The following SRD5A3 variants were observed in gnomAD, a reference collection of about 807,000 sequenced individuals.
The protein encoded by SRD5A3 is steroid 5 alpha-reductase 3.
Under a neutral mutation model 34.3 loss-of-function variants are expected in SRD5A3, and 24 were observed. That is an observed-to-expected ratio of 0.70 (90% CI 0.51 to 0.99). The LOEUF (loss-of-function observed/expected upper bound fraction) is 0.99, where lower values mean the gene tolerates loss of function less well. SRD5A3 is among the 50% of genes least tolerant of loss of function. SRD5A3 has a pLI of 0.00. For missense variants in SRD5A3, 350 were observed against 388.2 expected, an observed-to-expected ratio of 0.90 and a Z score of 0.83; for synonymous variants, 161 against 167.3, an observed-to-expected ratio of 0.96 and a Z score of 0.29.
intron 1 of SRD5A3, among the ~76,000 whole-genome samples, chr4:55,357,780 C>T (rs1004394214): frequency 1.4e-4 from 22 of 152,198 alleles, no homozygotes; most frequent in African/African-American, 5.3e-4. Flanking sequence ...AATCATAGCT[C>T]ACTATAACCT....
chr4:55,367,697 C>T lies in SRD5A3; in HGVS notation c.672C>T (p.Leu224=), dbSNP rs144834899. ...SAHQYKCHVI[L]GNLRKNKAGV... ...ATCAGTATAAGTGCCATGTTATTCTCGGCAATCTCAGGAAAAATAAAGCAG... is the reference window on the plus strand; with the variant it reads ...ATCAGTATAAGTGCCATGTTATTCTTGGCAATCTCAGGAAAAATAAAGCAG... Residue 224 remains leucine, a synonymous_variant, in exon 4 of 5, where the codon CTC becomes CTT. Coordinates refer to ENST00000264228, the MANE Select transcript of SRD5A3 (RefSeq NM_024592.5). 1.3e-4 allele frequency: 206 copies of T among 1,614,132 alleles called. 1 individual carries two copies. The African/African-American group carries it at 2.2e-3, about 18-fold the overall frequency.
At chr4:55,367,475 A>T (rs944543966) in intron 3 of SRD5A3, 113 bp from the exon 4 acceptor site, 7 of 1,233,980 alleles carry the variant, frequency 5.7e-6, no homozygotes, top group Non-Finnish European at 8.2e-6. Context: ...TTATATTAGG[A>T]TATTGAGGAA....
rs545082315 is a variant in SRD5A3, at chr4:55,354,136, G to A, written c.222-5210G>A. Among the ~76,000 whole-genome samples the A allele has an allele frequency of 5.9e-5, 9 of 152,240 alleles. No homozygotes were observed. The South Asian group carries it at 1.9e-3, about 32-fold the overall frequency. ...TTTTGAGATGGAGTCTTGCTCTGTT[G>A]CCCAGGCTGGAGTGCAGTGGCGCAA... On this transcript the variant is annotated intron_variant, in intron 1 of 4. Transcript: ENST00000264228.
At chr4:55,348,313 T>C (rs1719071073) in intron 1 of SRD5A3, among the ~76,000 whole-genome samples, 1 of 152,124 alleles carries the variant, frequency 6.6e-6, no homozygotes, top group African/African-American at 2.4e-5. Context: ...TCCAGACCAA[T>C]AATGAAAGGC....
rs376367580 is a variant in SRD5A3 at position 55,369,529 on chromosome 4, A to G, written c.698-303A>G. On this transcript the variant is annotated intron_variant, in intron 4 of 4. Coordinates refer to ENST00000264228, the MANE Select transcript of SRD5A3 (RefSeq NM_024592.5). The stretch of plus-strand genomic sequence containing the variant: ...AGGATCACTTGAGCCCAGCAGTTTG[A>G]GACCAACCTGGGCAACATAGGCAGA... 36 of 381,058 alleles carry G rather than the reference A, an allele frequency of 9.4e-5. No individual in the cohort carries two copies. The East Asian group carries it at 2.2e-3, about 23-fold the overall frequency. The allele number at this position is 381,058 out of a possible 1,614,324, so 23.6% of individuals were successfully genotyped here.
At chr4:55,353,692 C>T (rs1047611525) in intron 1 of SRD5A3, among the ~76,000 whole-genome samples, 1 of 151,952 alleles carries the variant, frequency 6.6e-6, no homozygotes, top group Non-Finnish European at 1.5e-5. Flanking sequence ...ACGAACCCAC[C>T]TGGAGGAACA....
intron 2 of SRD5A3, among the ~76,000 whole-genome samples, chr4:55,362,040 C>G (rs554659631): frequency 6.6e-6 from 1 of 152,062 alleles, no homozygotes; most frequent in East Asian, 1.9e-4. Context: ...ACAGTCAAAG[C>G]TAATCTGTGC....
At chr4:55,353,159 A>G (rs1341509603) in intron 1 of SRD5A3, among the ~76,000 whole-genome samples, 1 of 152,182 alleles carries the variant, frequency 6.6e-6, no homozygotes, top group Non-Finnish European at 1.5e-5. Flanking sequence ...GCATTAGAGT[A>G]TTAGCATAAT....
intron 1 of SRD5A3, chr4:55,352,538 T>C: frequency 2.1e-6 from 1 of 480,272 alleles, no homozygotes. Flanking sequence ...TTCATGAGTT[T>C]ATATTTGTCT....
chr4:55,367,853 T>G, intron 4 of SRD5A3, 131 bp downstream of exon 4: 1 of 1,182,902 alleles, frequency 8.5e-7, no homozygotes, highest in Non-Finnish European at 1.2e-6. Flanking sequence ...GCAAGACACT[T>G]CTCTGGGCCT....
At chr4:55,363,713 G>A (rs904546547) in intron 2 of SRD5A3, among the ~76,000 whole-genome samples, 34 of 152,172 alleles carry the variant, frequency 2.2e-4, no homozygotes, top group Non-Finnish European at 4.7e-4. Flanking sequence ...CACAGCTGGG[G>A]CCACTCAGAG....
chr4:55,352,520 G>A, intron 1 of SRD5A3: 1 of 527,180 alleles, frequency 1.9e-6, no homozygotes, highest in South Asian at 2.0e-5. Context: ...GCTCTAGACT[G>A]TAAACATTTC....
intron 4 of SRD5A3, chr4:55,369,606 C>G: frequency 3.5e-6 from 2 of 575,828 alleles, no homozygotes; most frequent in South Asian, 4.2e-5. Context: ...TGATGCATAC[C>G]TGTGGTACTA....
At chr4:55,355,712 C>G (rs112431127) in intron 1 of SRD5A3, among the ~76,000 whole-genome samples, 1 of 152,090 alleles carries the variant, frequency 6.6e-6, no homozygotes, top group Non-Finnish European at 1.5e-5. Context: ...CATGAAAGCA[C>G]AATAGTATGA....
rs570112834 is a variant in SRD5A3, at chr4:55,371,642, T to A, written c.*1551T>A. On this transcript the variant is annotated 3_prime_UTR_variant, in exon 5 of 5. Coordinates refer to ENST00000264228, the MANE Select transcript of SRD5A3 (RefSeq NM_024592.5). ...GAGCTGTAACCCAAAACTGTTAAAC[T>A]AAGATTCCTTTGTTTTTTTTGTTTT... is the stretch of plus-strand genomic sequence containing the variant. 1 of 152,326 alleles carries A rather than the reference T, an allele frequency of 6.6e-6. No homozygotes were observed. The highest frequency in any genetic ancestry group is 2.1e-4 in the South Asian group (1 of 4,826). The allele number at this position is 152,326 out of a possible 1,614,324, so 9.4% of individuals were successfully genotyped here.
At chr4:55,369,660 GGTTGAGACTACA>G in intron 4 of SRD5A3, 160 bp from the exon 5 acceptor site, 1 of 699,682 alleles carries the variant, frequency 1.4e-6, no homozygotes, top group Admixed American at 2.8e-5. Context: ...GGGCCTGGAA[GGTTGAGACTACA>G]GTGAGCCATG....
intron 2 of SRD5A3, among the ~76,000 whole-genome samples, chr4:55,360,384 T>A (rs1256387214): frequency 1.3e-5 from 2 of 151,606 alleles, no homozygotes; most frequent in East Asian, 3.9e-4. Context: ...CAGGCGCTTG[T>A]AATCCCAGCT....
At chr4:55,357,808 G>C (rs1481187101) in intron 1 of SRD5A3, among the ~76,000 whole-genome samples, 2 of 152,210 alleles carry the variant, frequency 1.3e-5, no homozygotes, top group Non-Finnish European at 2.9e-5. Context: ...CTGGCCTCAA[G>C]GGATCCTCTC....
intron 3 of SRD5A3, chr4:55,364,816 A>T (rs1484561642): frequency 1.1e-5 from 2 of 175,948 alleles, no homozygotes; most frequent in African/African-American, 4.8e-5. Context: ...AGTTCCTGTG[A>T]TTGTTCCCAT....
Sources: allele counts gnomAD v4.1 joint callset (sites outside exome capture counted in the v4.1 genomes callset), GRCh38; gene constraint gnomAD v4.1.1; transcripts MANE v1.5; gene names NCBI Gene and HGNC (gene_info 2026-07-23, HGNC 2026-07-21).